Variants in INPP5A observed in about 807,000 individuals in gnomAD.
INPP5A encodes 43 kDa inositol polyphosphate 5-phophatase.
INPP5A carries 14 observed loss-of-function variants against 65.2 expected under a neutral mutation model. That is an observed-to-expected ratio of 0.21 (90% CI 0.14 to 0.34). The LOEUF is 0.34. Ranked by LOEUF, INPP5A falls within the 10% of genes least tolerant of loss-of-function variation. INPP5A has a pLI of 1.00. For missense variants in INPP5A, 431 were observed against 545.6 expected, an observed-to-expected ratio of 0.79 and a Z score of 2.09; for synonymous variants, 207 against 208.3, an observed-to-expected ratio of 0.99 and a Z score of 0.05.
intron 1 of INPP5A, among the ~76,000 whole-genome samples, chr10:132,573,510 G>T (rs2071376673): frequency 7.5e-6 from 1 of 133,848 alleles, no homozygotes; most frequent in African/African-American, 3.1e-5. Context: ...AGATGTTGGG[G>T]TGTGTGTGCT....
intron 11 of INPP5A, among the ~76,000 whole-genome samples, chr10:132,763,763 G>A (rs1347642746): frequency 6.6e-6 from 1 of 151,270 alleles, no homozygotes; most frequent in African/African-American, 2.4e-5. Flanking sequence ...AAACACACAT[G>A]CCGTTGCACA....
In INPP5A at chr10:132,753,847, CCTTGTCATTGT is replaced by C. The variant is rs1846541547; in HGVS notation, c.903+4004_903+4014del. On this transcript the variant is annotated intron_variant, in intron 11 of 15. Coordinates refer to ENST00000368594, the MANE Select transcript of INPP5A (RefSeq NM_005539.5). This position sits in a 1 kb window ranked among gnomAD's most constrained non-coding sequence, Gnocchi z 5.3. The stretch of plus-strand genomic sequence containing the variant: ...GACAGATGGGCAGGATCAGCCGCTG[CCTTGTCATTGT>C]CCACACGGCCCTGCCTGCCTTCACT... The C allele has an allele frequency of 6.6e-6, 1 of 152,196 alleles. No homozygotes were observed. Among genetic ancestry groups the C allele is most frequent in the Middle Eastern group, 3.2e-3 (1 of 316 alleles). 9.4% of individuals were successfully genotyped at this position (152,196 alleles called of 1,614,324 possible).
In INPP5A at chr10:132,753,117, G is replaced by A. The variant is rs1846526732; in HGVS notation, c.903+3272G>A. On this transcript the variant is annotated intron_variant, in intron 11 of 15. Transcript: ENST00000368594. This position sits in a 1 kb window ranked among gnomAD's most constrained non-coding sequence, Gnocchi z 5.3. ...ATCCTCTCTGTTTGGGGCCTGGGACGACGGCACCTTCGGGAACGCCCCATG... is the reference window on the plus strand; with the variant it reads ...ATCCTCTCTGTTTGGGGCCTGGGACAACGGCACCTTCGGGAACGCCCCATG... Among the ~76,000 whole-genome samples the A allele has an allele frequency of 6.6e-6, 1 of 152,166 alleles. No individual in the cohort carries two copies. The highest frequency in any genetic ancestry group is 1.5e-5 in the Non-Finnish European group (1 of 68,024).
chr10:132,688,811 T>G (rs991720259), intron 4 of INPP5A, among the ~76,000 whole-genome samples: 2 of 33,792 alleles, frequency 5.9e-5, no homozygotes. Flanking sequence ...TGCACCAGTG[T>G]GAGTGCATGA....
In INPP5A at chr10:132,641,929, C is replaced by T. The variant is rs148586073; in HGVS notation, c.118-3939C>T. Among the ~76,000 whole-genome samples the T allele has an allele frequency of 2.8e-3, 428 of 152,318 alleles. 1 individual carries two copies. Among genetic ancestry groups the T allele is most frequent in the African/African-American group, 9.5e-3 (394 of 41,574 alleles). The stretch of plus-strand genomic sequence containing the variant: ...CGTCCTCTCACTTCAGCTTTGAGGG[C>T]GTCATCACCCCTGTGCATGGTCAGG... On this transcript the variant is annotated intron_variant, in intron 2 of 15. Coordinates refer to ENST00000368594, the MANE Select transcript of INPP5A (RefSeq NM_005539.5).
rs190010725 is a variant in INPP5A, at chr10:132,575,091, T to G, written c.76-32824T>G. Among the ~76,000 whole-genome samples, 20 of 152,282 alleles carry G rather than the reference T, an allele frequency of 1.3e-4. No individual in the cohort carries two copies. The East Asian group carries it at 3.3e-3, about 25-fold the overall frequency. On this transcript the variant is annotated intron_variant, in intron 1 of 15. Transcript: ENST00000368594. This position sits in a 1 kb window ranked among gnomAD's most constrained non-coding sequence, Gnocchi z 5.4. ...TCCGTGGAAAACACATGATGCCAGG[T>G]CCACAGGGTGACAGGTGACAGGTGA...
intron 1 of INPP5A, among the ~76,000 whole-genome samples, chr10:132,586,310 C>A (rs933829683): frequency 2.0e-5 from 3 of 152,222 alleles, no homozygotes; most frequent in Non-Finnish European, 2.9e-5. Flanking sequence ...CAGCACCCTC[C>A]AGGACGGGGA....
chr10:132,580,850 C>G (rs1039236009), intron 1 of INPP5A, among the ~76,000 whole-genome samples: 1 of 152,238 alleles, frequency 6.6e-6, no homozygotes, highest in African/African-American at 2.4e-5. Context: ...CCAAATGCTT[C>G]TGTGTGAATA....
At chr10:132,690,545 G>C in intron 5 of INPP5A, 90 bp downstream of exon 5, 1 of 948,116 alleles carries the variant, frequency 1.1e-6, no homozygotes, top group Admixed American at 1.8e-5. Context: ...CCCTGTCTCT[G>C]TGAGTGGCCA....
intron 11 of INPP5A, among the ~76,000 whole-genome samples, chr10:132,765,420 T>A (rs191430923): frequency 1.3e-5 from 2 of 152,324 alleles, no homozygotes; most frequent in Non-Finnish European, 2.9e-5. Flanking sequence ...GGAGCTGTGT[T>A]CCCTCTGCTG....
chr10:132,617,312 C>T (rs1337118492), intron 2 of INPP5A, among the ~76,000 whole-genome samples: 1 of 152,152 alleles, frequency 6.6e-6, no homozygotes, highest in African/African-American at 2.4e-5. Flanking sequence ...GGCAAAGCCA[C>T]CCTGTGGCTC....
intron 4 of INPP5A, among the ~76,000 whole-genome samples, chr10:132,688,698 T>G (rs914779913): frequency 6.6e-6 from 1 of 151,504 alleles, no homozygotes; most frequent in Non-Finnish European, 1.5e-5. Flanking sequence ...AGTGCATGTG[T>G]GTGCAAGTGT....
rs1460532404 is a variant in INPP5A at position 132,661,824 on chromosome 10, A to G, written c.306+11319A>G. ...TTAAATCAGTATAGTATTGGCATAA[A>G]ACCAGATAAACAGATCACAGAACAT... On this transcript the variant is annotated intron_variant, in intron 4 of 15. Transcript: ENST00000368594. Among the ~76,000 whole-genome samples, 8 of 152,360 alleles carry G rather than the reference A, an allele frequency of 5.3e-5. No homozygotes were observed. The East Asian group carries it at 1.5e-3, about 29-fold the overall frequency.
intron 11 of INPP5A, among the ~76,000 whole-genome samples, chr10:132,750,740 C>T (rs1846460911): frequency 6.6e-6 from 1 of 152,190 alleles, no homozygotes; most frequent in Non-Finnish European, 1.5e-5. Flanking sequence ...AGCCAGCATC[C>T]AAGATCTGGA....
intron 8 of INPP5A, among the ~76,000 whole-genome samples, chr10:132,720,626 G>A (rs1454204749): frequency 6.0e-5 from 9 of 150,574 alleles, no homozygotes; most frequent in South Asian, 2.1e-4. Context: ...TGTGGTACCT[G>A]GGTTCTGTCT....
Position 132,642,479 on chromosome 10 carries a change from C to CAGGAGTTT in INPP5A, c.118-3389_118-3388insAGGAGTTT, listed in dbSNP as rs2072438560. The stretch of plus-strand genomic sequence containing the variant: ...CACCGCCTTACTCCTGCCGTGACAG[C>CAGGAGTTT]CCAGGAAATGCTGTAAAATCTAGTT... On this transcript the variant is annotated intron_variant, in intron 2 of 15. Coordinates refer to ENST00000368594, the MANE Select transcript of INPP5A (RefSeq NM_005539.5). 2.0e-5 allele frequency among the ~76,000 whole-genome samples: 3 copies of CAGGAGTTT among 152,344 alleles called. No individual in the cohort carries two copies. In the Middle Eastern group the frequency reaches 0.01, roughly 518 times the overall value.
intron 11 of INPP5A, among the ~76,000 whole-genome samples, chr10:132,756,583 C>G (rs578090708): frequency 1.3e-5 from 2 of 152,214 alleles, no homozygotes; most frequent in African/African-American, 4.8e-5. Flanking sequence ...GGAGCCGCTG[C>G]GCCGCCTGCT....
At chr10:132,618,752 G>A (rs2072075264) in intron 2 of INPP5A, among the ~76,000 whole-genome samples, 2 of 152,168 alleles carry the variant, frequency 1.3e-5, no homozygotes, top group Non-Finnish European at 2.9e-5. Context: ...GAAGGCAAAG[G>A]GGGAGTAGCC....
At chr10:132,755,207 G>A (rs531866756) in intron 11 of INPP5A, among the ~76,000 whole-genome samples, 7 of 152,236 alleles carry the variant, frequency 4.6e-5, no homozygotes, top group Admixed American at 6.5e-5. Flanking sequence ...GCACATGAGC[G>A]GGTGTGTGCA....
Sources: allele counts gnomAD v4.1 joint callset (sites outside exome capture counted in the v4.1 genomes callset), GRCh38; gene constraint gnomAD v4.1.1; non-coding constraint Gnocchi (gnomAD v3.1); transcripts MANE v1.5; gene names NCBI Gene and HGNC (gene_info 2026-07-23, HGNC 2026-07-21).